The following KMT2E variants were observed in gnomAD, a reference collection of about 807,000 sequenced individuals.
KMT2E encodes the protein histone reader KMT2E.
In KMT2E, 30 loss-of-function variants were observed where a neutral mutation model predicts 184.6. The observed-to-expected ratio is 0.16, with a 90% confidence interval of 0.12 to 0.22. The LOEUF (loss-of-function observed/expected upper bound fraction) is 0.22. Among genes scored for constraint, KMT2E ranks in the 10% least tolerant of loss-of-function variants. The pLI is 1.00. For missense variants in KMT2E, 2,023 were observed against 2,237.4 expected (o/e 0.90, Z 1.93); for synonymous variants, 815 against 776.5 (o/e 1.05, Z -0.82).
chr7:105,081,888 CTTTTTA>C (rs1797774626), intron 13 of KMT2E, 91 bp downstream of exon 13: 2 of 597,130 alleles, frequency 3.3e-6, no homozygotes, highest in East Asian at 5.9e-5. Flanking sequence ...ACTTTTATAG[CTTTTTA>C]TTTTTATCTA....
Position 105,106,767 on chromosome 7 carries a change from T to A in KMT2E, c.2842T>A (p.Phe948Ile). Residue 948 changes from phenylalanine (F) to isoleucine (I), a missense_variant, in exon 20 of 27, where the codon TTT (phenylalanine) becomes ATT (isoleucine). Around this residue, in one of 8 missense-constraint regions of KMT2E, gnomAD observed 514 missense variants for 621.8 expected, o/e 0.83. Coordinates refer to ENST00000311117, the MANE Select transcript of KMT2E (RefSeq NM_182931.3). Reference protein sequence around the residue: ...TPGTPGNTMHFENISSPESSP... With the variant: ...TPGTPGNTMHIENISSPESSP... ...TGGTACACCAGGAAATACCATGCAC[T>A]TTGAGGTGAGAAATTTTAATGGAGA... is the stretch of plus-strand genomic sequence containing the variant. 3 of 1,609,686 alleles carry A rather than the reference T, an allele frequency of 1.9e-6. No homozygotes were observed. The highest frequency in any genetic ancestry group is 2.5e-6 in the Non-Finnish European group (3 of 1,177,600).
chr7:105,030,764 AAC>A (rs1256013344), intron 1 of KMT2E, among the ~76,000 whole-genome samples: 1 of 152,220 alleles, frequency 6.6e-6, no homozygotes, highest in Non-Finnish European at 1.5e-5. Context: ...TATGAAAAGT[AAC>A]AGTTGTGGAT....
intron 6 of KMT2E, among the ~76,000 whole-genome samples, chr7:105,070,749 G>C (rs1205346836): frequency 1.3e-5 from 2 of 151,640 alleles, no homozygotes; most frequent in Non-Finnish European, 2.9e-5. Context: ...GGAGGTTGAG[G>C]CTGCAGTGAG....
intron 3 of KMT2E, among the ~76,000 whole-genome samples, chr7:105,042,625 A>G (rs1053641621): frequency 1.3e-5 from 2 of 152,240 alleles, no homozygotes; most frequent in African/African-American, 4.8e-5. Context: ...ATGCTGCCAC[A>G]TAGGTCAGAA....
Position 105,091,384 on chromosome 7 carries a change from A to G in KMT2E, c.1722+70A>G, listed in dbSNP as rs766352703. ...GCATATGGTAATTGTTGCTGCCTTT[A>G]CATGGGCTTTTACATTATTCTTTGA... On this transcript the variant is annotated intron_variant, in intron 15 of 26. Transcript: ENST00000311117. 7.1e-6 allele frequency: 6 copies of G among 848,186 alleles called. No individual in the cohort carries two copies. The African/African-American group carries it at 9.9e-5, about 14-fold the overall frequency. 52.5% of individuals were successfully genotyped at this position (848,186 alleles called of 1,614,324 possible).
intron 6 of KMT2E, among the ~76,000 whole-genome samples, chr7:105,068,459 C>T (rs1584753532): frequency 7.0e-6 from 1 of 142,790 alleles, no homozygotes; most frequent in Non-Finnish European, 1.5e-5. Flanking sequence ...ACAAACTTCT[C>T]TTTTTTTTTT....
chr7:105,097,267 G>A (rs987424644), intron 15 of KMT2E, among the ~76,000 whole-genome samples: 3 of 151,978 alleles, frequency 2.0e-5, no homozygotes, highest in Non-Finnish European at 2.9e-5. Context: ...TCTGTCCTCC[G>A]TTGATGCTGA....
chr7:105,072,224 G>A (rs914339887), intron 6 of KMT2E, among the ~76,000 whole-genome samples: 2 of 151,944 alleles, frequency 1.3e-5, no homozygotes, highest in South Asian at 2.1e-4. Context: ...AGGCTTAGGC[G>A]GCAGAATGGC....
At chr7:105,056,956 A>G (rs996759742) in intron 3 of KMT2E, among the ~76,000 whole-genome samples, 3 of 152,244 alleles carry the variant, frequency 2.0e-5, no homozygotes, top group Non-Finnish European at 4.4e-5. Context: ...GCCTCGTTAT[A>G]AAAGAGTTTG....
intron 3 of KMT2E, among the ~76,000 whole-genome samples, chr7:105,055,006 G>T (rs960660940): frequency 2.0e-5 from 3 of 152,160 alleles, no homozygotes; most frequent in Admixed American, 2.0e-4. Context: ...GAGTCTTGGA[G>T]AGGTAGTACT....
At chr7:105,065,140 C>T (rs561122974) in intron 5 of KMT2E, among the ~76,000 whole-genome samples, 3 of 152,114 alleles carry the variant, frequency 2.0e-5, no homozygotes, top group Non-Finnish European at 4.4e-5. Flanking sequence ...TTCTGTTGCT[C>T]AGCCTGTAGT....
chr7:105,076,349 A>G (rs959639197), intron 9 of KMT2E, among the ~76,000 whole-genome samples: 6 of 152,240 alleles, frequency 3.9e-5, no homozygotes, highest in Non-Finnish European at 8.8e-5. Flanking sequence ...TTATTACTAT[A>G]ATCCATGTCT....
intron 20 of KMT2E, 49 bp from the exon 21 acceptor site, chr7:105,107,117 T>C (rs753010548): frequency 2.1e-6 from 2 of 958,666 alleles, no homozygotes; most frequent in East Asian, 2.6e-5. Flanking sequence ...ATTATGGATA[T>C]ACTTACGTAT....
chr7:105,028,629 G>A (rs1308413526), intron 1 of KMT2E, among the ~76,000 whole-genome samples: 1 of 151,970 alleles, frequency 6.6e-6, no homozygotes, highest in African/African-American at 2.4e-5. Context: ...GCTTACCTCA[G>A]GTGTTCAGCT....
intron 15 of KMT2E, 50 bp downstream of exon 15, chr7:105,091,364 T>C: frequency 1.0e-6 from 1 of 968,248 alleles, no homozygotes; most frequent in Non-Finnish European, 1.7e-6. Context: ...GCTCTGCATA[T>C]GGTAATTGTT....
chr7:105,038,690 G>A (rs1795761887), intron 2 of KMT2E, among the ~76,000 whole-genome samples: 1 of 151,994 alleles, frequency 6.6e-6, no homozygotes, highest in Non-Finnish European at 1.5e-5. Context: ...AACTCACTGT[G>A]TTAAAGGTCA....
rs1489932702 is a variant in KMT2E at position 105,114,448 on chromosome 7, T to A, written c.*1115T>A. 1 of 152,176 alleles carries A rather than the reference T, an allele frequency of 6.6e-6. No homozygotes were observed. Among genetic ancestry groups the A allele is most frequent in the Non-Finnish European group, 1.5e-5 (1 of 68,028 alleles). The allele number at this position is 152,176 out of a possible 1,614,324, so 9.4% of individuals were successfully genotyped here. On this transcript the variant is annotated 3_prime_UTR_variant, in exon 27 of 27. Coordinates refer to ENST00000311117, the MANE Select transcript of KMT2E (RefSeq NM_182931.3). The stretch of plus-strand genomic sequence containing the variant: ...TGTAAAAACTAAAGAAAAAAGGCAT[T>A]ATTCCTAGATCTCTCAGTGAAATGA...
intron 15 of KMT2E, among the ~76,000 whole-genome samples, chr7:105,097,667 C>T (rs973869702): frequency 3.3e-5 from 5 of 152,136 alleles, no homozygotes; most frequent in African/African-American, 1.2e-4. Context: ...GGATTACACG[C>T]GTGAGCCACT....
intron 1 of KMT2E, among the ~76,000 whole-genome samples, chr7:105,032,073 CAAAAAAAAAA>C (rs869308527): frequency 3.8e-4 from 29 of 77,274 alleles, no homozygotes; most frequent in Non-Finnish European, 6.2e-4. Context: ...ACTCTTATCA[CAAAAAAAAAA>C]AAAAAAAAAA....
Sources: gnomAD v4.1 joint callset for allele counts (sites outside exome capture counted in the v4.1 genomes callset) on GRCh38, gnomAD v4.1.1 for gene constraint, gnomAD v4.1.1 regional missense constraint, MANE v1.5 for transcripts, NCBI Gene and HGNC (gene_info 2026-07-23, HGNC 2026-07-21) for gene names.